ARHGEF7: variants seen among roughly 807,000 people sequenced by gnomAD.
ARHGEF7 encodes the protein PAK-interacting exchange factor beta.
ARHGEF7 carries 33 observed loss-of-function variants against 109.8 expected under a neutral mutation model. That is an observed-to-expected ratio of 0.30 (90% CI 0.23 to 0.40). ARHGEF7 has a LOEUF of 0.40. Ranked by LOEUF, ARHGEF7 falls within the 10% of genes least tolerant of loss-of-function variation. The pLI, the probability that ARHGEF7 is intolerant of heterozygous loss-of-function variation, is 1.00. For synonymous variants in ARHGEF7, 458 were observed against 424.6 expected (o/e 1.08, Z -0.97); for missense variants, 938 against 1,098.5 (o/e 0.85, Z 2.07).
At chr13:111,210,149 GGTT>G in intron 4 of ARHGEF7, 147 bp downstream of exon 4, 1 of 1,040,080 alleles carries the variant, frequency 9.6e-7, no homozygotes, top group Non-Finnish European at 1.4e-6. Flanking sequence ...CCTGTAATCT[GGTT>G]TGGCATTTGC....
At chr13:111,178,445 G>A (rs1318024723) in intron 2 of ARHGEF7, among the ~76,000 whole-genome samples, 1 of 152,224 alleles carries the variant, frequency 6.6e-6, no homozygotes, top group Non-Finnish European at 1.5e-5. Flanking sequence ...GAGAAAGGGA[G>A]TGGTCTTCAG....
intron 15 of ARHGEF7, among the ~76,000 whole-genome samples, chr13:111,282,429 TG>T (rs1766956451): frequency 6.6e-6 from 1 of 152,254 alleles, no homozygotes; most frequent in Admixed American, 6.5e-5. Context: ...AATGCATTAA[TG>T]GCACACCGCT....
chr13:111,233,291 G>A lies in ARHGEF7; in HGVS notation c.757G>A (p.Val253Met). 1 of 1,612,856 alleles carries A rather than the reference G, an allele frequency of 6.2e-7. No individual in the cohort carries two copies. Among genetic ancestry groups the A allele is most frequent in the Admixed American group, 1.7e-5 (1 of 60,024 alleles). Residue 253 changes from valine to methionine, a missense_variant and splice_region_variant, in exon 6 of 22, where the codon GTG becomes ATG. Transcript: ENST00000646102. ...TGCCATAAACAAAAGCTATTACAAT[G>A]TGGTGAGTAATTGCAGAACATTTTT... ...TTAINKSYYN[V>M]VLQNILETEN...
chr13:111,304,486 A>G lies in ARHGEF7; in HGVS notation c.*1373A>G, dbSNP rs1481875146. 1 of 152,230 alleles carries G rather than the reference A, an allele frequency of 6.6e-6. No individual in the cohort carries two copies. The highest frequency in any genetic ancestry group is 2.4e-5 in the African/African-American group (1 of 41,462). 9.4% of individuals were successfully genotyped at this position (152,230 alleles called of 1,614,324 possible). ...TATCTTTAAAAACCCAAATTGCAGC[A>G]CCGTGGATTACTGGTCTCAGAACAA... On this transcript the variant is annotated 3_prime_UTR_variant, in exon 22 of 22. Transcript: ENST00000646102.
chr13:111,117,581 C>T (rs769051449), intron 1 of ARHGEF7, among the ~76,000 whole-genome samples: 2 of 152,150 alleles, frequency 1.3e-5, no homozygotes, highest in African/African-American at 2.4e-5. Flanking sequence ...AAATATTAGC[C>T]GTTTTCTGCC....
Sources: allele counts gnomAD v4.1 joint callset (sites outside exome capture counted in the v4.1 genomes callset), GRCh38; gene constraint gnomAD v4.1.1; transcripts MANE v1.5; gene names NCBI Gene and HGNC (gene_info 2026-07-23, HGNC 2026-07-21).